Variants in PTER observed in about 807,000 individuals in gnomAD.
PTER encodes the protein N-acetyltaurine hydrolase.
Under a neutral mutation model 29.6 loss-of-function variants are expected in PTER, and 38 were observed. That is an observed-to-expected ratio of 1.28 (90% CI 0.99 to 1.68). The LOEUF (loss-of-function observed/expected upper bound fraction) is 1.68. PTER is among the 40% of genes most tolerant of loss of function. The probability of loss-of-function intolerance (pLI) is 0.00; values close to 1 mark genes in which losing one functional copy is unlikely to be tolerated. For missense variants in PTER, 482 were observed against 427.8 expected, an observed-to-expected ratio of 1.13 and a Z score of -1.12; for synonymous variants, 172 against 154.5, an observed-to-expected ratio of 1.11 and a Z score of -0.84.
intron 1 of PTER, among the ~76,000 whole-genome samples, chr10:16,459,807 G>T (rs765663661): frequency 1.3e-5 from 2 of 152,240 alleles, no homozygotes; most frequent in African/African-American, 4.8e-5. Context: ...GGGGTGCAAT[G>T]CACCATCTTG....
At position 16,442,963 on chromosome 10, in the gene PTER, C is replaced by T. The variant is rs150424815; in HGVS notation, c.-49+5916C>T. Reference sequence around the variant, plus strand: ...TACCAGCCTGGGTGACAGAGTGATACTCTGTCTCAAAAACAATAAAAATAA... The same window carrying T: ...TACCAGCCTGGGTGACAGAGTGATATTCTGTCTCAAAAACAATAAAAATAA... On this transcript the variant is annotated intron_variant, in intron 1 of 4. Coordinates refer to ENST00000535784, the MANE Select transcript of PTER (RefSeq NM_001261836.2). Among the ~76,000 whole-genome samples, 735 of 152,180 alleles carry T rather than the reference C, an allele frequency of 4.8e-3. 7 individuals are homozygous for T. Among genetic ancestry groups the T allele is most frequent in the African/African-American group, 0.017 (691 of 41,514 alleles).
intron 1 of PTER, among the ~76,000 whole-genome samples, chr10:16,452,194 T>TACACAC (rs375537112): frequency 0.019 from 2,732 of 146,266 alleles, 71 homozygotes; most frequent in African/African-American, 0.056. Flanking sequence ...ACCAGTGGGA[T>TACACAC]ACACACACAC....
In PTER at chr10:16,510,180, G is replaced by A. The variant is rs540699304; in HGVS notation, c.840-866G>A. Among the ~76,000 whole-genome samples the A allele has an allele frequency of 2.6e-5, 4 of 152,266 alleles. No individual in the cohort carries two copies. In the East Asian group the frequency reaches 5.8e-4, roughly 22 times the overall value. On this transcript the variant is annotated intron_variant, in intron 4 of 4. Transcript: ENST00000535784. ...ACCATCAAAGACCCATGGAAGTCAC[G>A]ACAGACACTGCCCAGAGTCCAGACA...
At chr10:16,502,449 A>G (rs907326448) in intron 3 of PTER, among the ~76,000 whole-genome samples, 14 of 152,202 alleles carry the variant, frequency 9.2e-5, no homozygotes, top group African/African-American at 3.4e-4. Flanking sequence ...GAGTAGTATT[A>G]ATAGAAGATA....
At chr10:16,469,190 T>A (rs1215928511) in intron 1 of PTER, among the ~76,000 whole-genome samples, 3 of 152,010 alleles carry the variant, frequency 2.0e-5, no homozygotes, top group African/African-American at 7.2e-5. Context: ...GGGAGTGGGC[T>A]GGATTTGCAA....
intron 1 of PTER, among the ~76,000 whole-genome samples, chr10:16,467,107 A>G (rs1447987648): frequency 6.6e-6 from 1 of 152,104 alleles, no homozygotes; most frequent in Non-Finnish European, 1.5e-5. Context: ...CCCCTTATCC[A>G]TGGTTTTGCT....
At chr10:16,517,144 G>A (rs905011584), downstream of PTER, among the ~76,000 whole-genome samples, 2 of 152,198 alleles carry the variant, frequency 1.3e-5, no homozygotes, top group African/African-American at 4.8e-5. Flanking sequence ...TCAGCATTCT[G>A]TCTGGGAATA....
At chr10:16,464,448 G>C (rs1041627822) in intron 1 of PTER, among the ~76,000 whole-genome samples, 1 of 152,106 alleles carries the variant, frequency 6.6e-6, no homozygotes, top group Non-Finnish European at 1.5e-5. Flanking sequence ...GTTGGAGCAG[G>C]GGGGAAAACA....
chr10:16,454,228 T>C (rs1014559161), intron 1 of PTER, among the ~76,000 whole-genome samples: 4 of 152,210 alleles, frequency 2.6e-5, no homozygotes, highest in African/African-American at 9.6e-5. Context: ...TAAGTTAACA[T>C]TAATTTTTGG....
At chr10:16,486,263 A>G in intron 2 of PTER, 89 bp from the exon 3 acceptor site, 2 of 1,327,734 alleles carry the variant, frequency 1.5e-6, no homozygotes, top group Non-Finnish European at 1.0e-6. Context: ...ATGAATGACA[A>G]AATAAATAAA....
intron 1 of PTER, among the ~76,000 whole-genome samples, chr10:16,442,064 T>C (rs759917064): frequency 1.3e-5 from 2 of 152,136 alleles, no homozygotes; most frequent in African/African-American, 2.4e-5. Flanking sequence ...AATTATTTGG[T>C]GTGTGAAGAG....
chr10:16,477,155 T>C (rs2133431310), intron 1 of PTER, among the ~76,000 whole-genome samples: 1 of 152,182 alleles, frequency 6.6e-6, no homozygotes, highest in Admixed American at 6.5e-5. Flanking sequence ...CTGCCTGCCT[T>C]GGCCTCCCAG....
At chr10:16,478,325 C>T (rs1360522432) in intron 1 of PTER, among the ~76,000 whole-genome samples, 1 of 144,952 alleles carries the variant, frequency 6.9e-6, no homozygotes, top group East Asian at 2.1e-4. Context: ...CCTTTTCCTC[C>T]CTCGTTTCCG....
At chr10:16,508,260 G>C (rs1382424854) in intron 4 of PTER, among the ~76,000 whole-genome samples, 1 of 151,822 alleles carries the variant, frequency 6.6e-6, no homozygotes, top group African/African-American at 2.4e-5. Flanking sequence ...AGTAGAGACG[G>C]GGTTTCACCG....
At chr10:16,469,908 T>C (rs1393441002) in intron 1 of PTER, among the ~76,000 whole-genome samples, 1 of 152,042 alleles carries the variant, frequency 6.6e-6, no homozygotes, top group Non-Finnish European at 1.5e-5. Context: ...TTTGTTTTTT[T>C]TTTTAATTTA....
intron 1 of PTER, among the ~76,000 whole-genome samples, chr10:16,466,077 G>C (rs1352853484): frequency 1.3e-5 from 2 of 152,150 alleles, no homozygotes; most frequent in African/African-American, 4.8e-5. Context: ...CACTGTTATA[G>C]CTTAGAGTTG....
At chr10:16,462,370 C>A (rs1002947512) in intron 1 of PTER, among the ~76,000 whole-genome samples, 6 of 152,048 alleles carry the variant, frequency 3.9e-5, no homozygotes, top group African/African-American at 1.4e-4. Flanking sequence ...TATTTATTTC[C>A]TTTATAAGAA....
chr10:16,480,589 T>A (rs1835443782), intron 1 of PTER, among the ~76,000 whole-genome samples: 1 of 152,114 alleles, frequency 6.6e-6, no homozygotes, highest in Non-Finnish European at 1.5e-5. Context: ...GAAGAGCCTA[T>A]GTTTATGAAA....
intron 3 of PTER, among the ~76,000 whole-genome samples, chr10:16,487,865 A>G (rs973520837): frequency 1.3e-5 from 2 of 152,174 alleles, no homozygotes; most frequent in Non-Finnish European, 2.9e-5. Flanking sequence ...ACAGATTGCT[A>G]TTTCATAAAC....
Sources: allele counts gnomAD v4.1 joint callset (sites outside exome capture counted in the v4.1 genomes callset), GRCh38; gene constraint gnomAD v4.1.1; transcripts MANE v1.5; gene names NCBI Gene and HGNC (gene_info 2026-07-23, HGNC 2026-07-21).